ADGRG6: variants seen among roughly 807,000 people sequenced by gnomAD.
ADGRG6 encodes G-protein coupled receptor 126.
Under a neutral mutation model 142.4 loss-of-function variants are expected in ADGRG6, and 84 were observed. That is an observed-to-expected ratio of 0.59 (90% CI 0.49 to 0.71). The LOEUF (loss-of-function observed/expected upper bound fraction) is 0.71, where lower values mean the gene tolerates loss of function less well. Among genes scored for constraint, ADGRG6 ranks in the 30% least tolerant of loss-of-function variants. The pLI, the probability that ADGRG6 is intolerant of heterozygous loss-of-function variation, is 0.00. For synonymous variants in ADGRG6, 521 were observed against 520.5 expected (o/e 1.00, Z -0.01); for missense variants, 1,367 against 1,466.6 (o/e 0.93, Z 1.11).
intron 2 of ADGRG6, among the ~76,000 whole-genome samples, chr6:142,360,564 A>T (rs1325539096): frequency 6.6e-6 from 1 of 152,160 alleles, no homozygotes; most frequent in Non-Finnish European, 1.5e-5. Flanking sequence ...TCATTACTGG[A>T]TGTGGAATGG....
intron 9 of ADGRG6, among the ~76,000 whole-genome samples, chr6:142,395,217 C>G (rs1222409036): frequency 1.3e-5 from 2 of 152,018 alleles, no homozygotes; most frequent in African/African-American, 4.8e-5. Context: ...ATAATTTTTT[C>G]TTTATGATAT....
intron 4 of ADGRG6, among the ~76,000 whole-genome samples, chr6:142,379,427 A>G (rs1221079000): frequency 1.3e-5 from 2 of 152,140 alleles, no homozygotes. Context: ...TTCAAATGAA[A>G]TATAGTTTAC....
chr6:142,425,048 C>T, intron 22 of ADGRG6, among the ~76,000 whole-genome samples: 1 of 152,124 alleles, frequency 6.6e-6, no homozygotes, highest in East Asian at 1.9e-4. Flanking sequence ...AAAGAAAACT[C>T]ATATATCCTG....
intron 4 of ADGRG6, among the ~76,000 whole-genome samples, chr6:142,379,556 A>C (rs972375414): frequency 1.7e-4 from 26 of 152,170 alleles, no homozygotes; most frequent in African/African-American, 5.8e-4. Context: ...TCACGAGGTC[A>C]GGAGATTGAG....
At chr6:142,317,898 T>TA (rs1778204357) in intron 2 of ADGRG6, among the ~76,000 whole-genome samples, 1 of 74,938 alleles carries the variant, frequency 1.3e-5, no homozygotes, top group African/African-American at 6.0e-5. Flanking sequence ...ATATTATATA[T>TA]TTATATATAT....
chr6:142,332,184 CTA>C (rs1420938422), intron 2 of ADGRG6, among the ~76,000 whole-genome samples: 3 of 152,036 alleles, frequency 2.0e-5, no homozygotes, highest in Non-Finnish European at 4.4e-5. Context: ...TGTAAAATAA[CTA>C]TACATATGTA....
At chr6:142,346,079 G>A (rs1053441602) in intron 2 of ADGRG6, among the ~76,000 whole-genome samples, 2 of 152,088 alleles carry the variant, frequency 1.3e-5, no homozygotes, top group African/African-American at 4.8e-5. Flanking sequence ...AGGATAGTGG[G>A]CTGCCTTTAG....
chr6:142,416,982 C>A, intron 20 of ADGRG6: 1 of 417,120 alleles, frequency 2.4e-6, no homozygotes, highest in Non-Finnish European at 4.5e-6. Context: ...TGATACAAAT[C>A]AGGTTTAGTT....
intron 2 of ADGRG6, among the ~76,000 whole-genome samples, chr6:142,318,108 A>AT (rs1778257436): frequency 5.7e-5 from 1 of 17,696 alleles, no homozygotes; most frequent in African/African-American, 4.1e-4. Flanking sequence ...ATATTTATAT[A>AT]TATTATATAT....
intron 2 of ADGRG6, among the ~76,000 whole-genome samples, chr6:142,315,545 A>C (rs1778003493): frequency 6.6e-6 from 1 of 152,072 alleles, no homozygotes; most frequent in Non-Finnish European, 1.5e-5. Context: ...CCCTCCATTG[A>C]ACTAACATGA....
At chr6:142,352,346 A>G (rs1780226165) in intron 2 of ADGRG6, among the ~76,000 whole-genome samples, 1 of 152,212 alleles carries the variant, frequency 6.6e-6, no homozygotes, top group African/African-American at 2.4e-5. Flanking sequence ...CATTATCCTA[A>G]GTGAACTAAT....
chr6:142,316,843 G>A (rs1311160198), intron 2 of ADGRG6, among the ~76,000 whole-genome samples: 1 of 152,006 alleles, frequency 6.6e-6, no homozygotes, highest in African/African-American at 2.4e-5. Context: ...AGTATACACT[G>A]AGGTTGTGGA....
At chr6:142,399,855 A>G (rs901912355) in intron 10 of ADGRG6, among the ~76,000 whole-genome samples, 25 of 152,308 alleles carry the variant, frequency 1.6e-4, no homozygotes, top group African/African-American at 6.0e-4. Context: ...TTACTTTGAT[A>G]TCCTTTAAAA....
At chr6:142,377,747 A>G (rs1170002454) in intron 4 of ADGRG6, among the ~76,000 whole-genome samples, 1 of 152,220 alleles carries the variant, frequency 6.6e-6, no homozygotes, top group Non-Finnish European at 1.5e-5. Context: ...TGATTGTGAT[A>G]TTGACTTTTT....
At chr6:142,388,289 C>G (rs1238761179) in intron 6 of ADGRG6, among the ~76,000 whole-genome samples, 1 of 152,092 alleles carries the variant, frequency 6.6e-6, no homozygotes, top group East Asian at 1.9e-4. Context: ...AAGAAAACAT[C>G]TTAAATATTT....
intron 2 of ADGRG6, among the ~76,000 whole-genome samples, chr6:142,315,873 C>T (rs1037120414): frequency 6.7e-6 from 1 of 149,976 alleles, no homozygotes; most frequent in African/African-American, 2.4e-5. Flanking sequence ...ATAAATAAAG[C>T]AAGGTTCTTT....
intron 22 of ADGRG6, among the ~76,000 whole-genome samples, chr6:142,434,507 G>A (rs1215715702): frequency 6.6e-6 from 1 of 152,058 alleles, no homozygotes; most frequent in African/African-American, 2.4e-5. Flanking sequence ...TGTGTTTTTA[G>A]TAGAGATGGG....
At chr6:142,307,417 A>G (rs898236915) in intron 1 of ADGRG6, among the ~76,000 whole-genome samples, 3 of 151,972 alleles carry the variant, frequency 2.0e-5, no homozygotes, top group Non-Finnish European at 4.4e-5. Flanking sequence ...TGAATATGTA[A>G]TTGTGCTTTT....
chr6:142,441,017 T>A, intron 24 of ADGRG6: 1 of 739,156 alleles, frequency 1.4e-6, no homozygotes, highest in East Asian at 3.1e-5. Flanking sequence ...AATATGTGCA[T>A]GGATTAAGCT....
Sources: allele counts gnomAD v4.1 joint callset (sites outside exome capture counted in the v4.1 genomes callset), GRCh38; gene constraint gnomAD v4.1.1; transcripts MANE v1.5; gene names NCBI Gene and HGNC (gene_info 2026-07-23, HGNC 2026-07-21).